NRG1: variants seen among roughly 807,000 people sequenced by gnomAD.
NRG1 encodes the protein neuregulin 1, also known as pro-neuregulin-1, membrane-bound isoform.
In NRG1, 18 loss-of-function variants were observed where a neutral mutation model predicts 63.8. The ratio of observed to expected loss-of-function variants is 0.28; its 90% CI spans 0.19 to 0.42. NRG1 has a LOEUF of 0.42. Among genes scored for constraint, NRG1 ranks in the 10% least tolerant of loss-of-function variants. The probability of loss-of-function intolerance (pLI) is 1.00; values close to 1 mark genes in which losing one functional copy is unlikely to be tolerated. For synonymous variants in NRG1, 302 were observed against 301.3 expected (o/e 1.00, Z -0.02); for missense variants, 762 against 814.7 (o/e 0.94, Z 0.79).
chr8:31,734,442 GT>G (rs911956354), intron 1 of NRG1, among the ~76,000 whole-genome samples: 3 of 152,108 alleles, frequency 2.0e-5, no homozygotes, highest in Admixed American at 1.3e-4. Context: ...ATTATTTTAA[GT>G]TTTTTTAAAT....
chr8:31,939,503 GAA>G (rs1197417785), intron 1 of NRG1, among the ~76,000 whole-genome samples: 1 of 141,684 alleles, frequency 7.1e-6, no homozygotes. Context: ...ATAACACAAT[GAA>G]AAAAAAAAAC....
chr8:31,680,063 A>C (rs2131053590), intron 1 of NRG1, among the ~76,000 whole-genome samples: 1 of 152,258 alleles, frequency 6.6e-6, no homozygotes, highest in East Asian at 1.9e-4. Flanking sequence ...ATGAGTGGTA[A>C]AATAAATCAT....
At chr8:32,404,176 T>A (rs1813621770) in intron 1 of NRG1, among the ~76,000 whole-genome samples, 1 of 152,154 alleles carries the variant, frequency 6.6e-6, no homozygotes, top group African/African-American at 2.4e-5. Flanking sequence ...CACCTGCAGG[T>A]GCTTGACATG....
intron 1 of NRG1, among the ~76,000 whole-genome samples, chr8:31,861,189 C>A (rs1400899470): frequency 6.6e-6 from 1 of 152,084 alleles, no homozygotes; most frequent in African/African-American, 2.4e-5. Context: ...TGAAAGGGTG[C>A]CCCAGCTAGG....
intron 1 of NRG1, among the ~76,000 whole-genome samples, chr8:32,206,342 C>T (rs963941090): frequency 6.6e-6 from 1 of 151,978 alleles, no homozygotes; most frequent in Non-Finnish European, 1.5e-5. Context: ...GTCATGGAGC[C>T]TATGCCACTA....
chr8:32,754,447 T>C (rs761665501), exon 8 of NRG1: 1 of 1,613,870 alleles, frequency 6.2e-7, no homozygotes, highest in East Asian at 2.2e-5. Context: ...GTCGGCATCA[T>C]GTGTGTGGTG....
In NRG1 at chr8:32,745,675, G is replaced by GTGTGTGTGT. The variant is rs1554661332; in HGVS notation, c.691+2942_691+2943insTGTGTGTGT. The stretch of plus-strand genomic sequence containing the variant: ...GTTCATCGATATGTGGTGTGTGGGG[G>GTGTGTGTGT]GTGTGTGTGTGTTCGTGTGTGTGTC... On this transcript the variant is annotated intron_variant, in intron 7 of 11. Coordinates refer to ENST00000356819, the Ensembl canonical transcript of NRG1. Among the ~76,000 whole-genome samples the GTGTGTGTGT allele has an allele frequency of 1.2e-3, 177 of 151,292 alleles. 1 individual carries two copies. Among genetic ancestry groups the GTGTGTGTGT allele is most frequent in the African/African-American group, 4.2e-3 (173 of 41,222 alleles).
intron 1 of NRG1, among the ~76,000 whole-genome samples, chr8:32,387,479 A>G (rs1357562699): frequency 2.0e-5 from 3 of 152,192 alleles, no homozygotes; most frequent in Non-Finnish European, 4.4e-5. Context: ...GATCTCAAAC[A>G]AGAAGCTCTT....
chr8:32,435,092 T>C (rs1818620486), intron 1 of NRG1, among the ~76,000 whole-genome samples: 1 of 152,152 alleles, frequency 6.6e-6, no homozygotes, highest in African/African-American at 2.4e-5. Context: ...TATGGTTTAG[T>C]CTAATTGTTA....
intron 1 of NRG1, among the ~76,000 whole-genome samples, chr8:32,507,751 G>A (rs1188012510): frequency 2.0e-5 from 3 of 150,632 alleles, no homozygotes; most frequent in Non-Finnish European, 3.0e-5. Flanking sequence ...AGGCTGGAGT[G>A]CAGTGGCATG....
chr8:31,907,331 C>T (rs1003752469), intron 1 of NRG1, among the ~76,000 whole-genome samples: 1 of 145,394 alleles, frequency 6.9e-6, no homozygotes, highest in Non-Finnish European at 1.5e-5. Flanking sequence ...AGCCTTCAGG[C>T]AAAGCAGATG....
At chr8:32,122,488 A>G (rs1222469779) in intron 1 of NRG1, among the ~76,000 whole-genome samples, 2 of 152,044 alleles carry the variant, frequency 1.3e-5, no homozygotes, top group African/African-American at 4.8e-5. Flanking sequence ...ATTGAACTCA[A>G]TTATAACTCC....
chr8:32,024,546 T>G (rs1462905), intron 1 of NRG1, among the ~76,000 whole-genome samples: 149,190 of 152,276 alleles, frequency 0.98, 73,156 homozygotes, highest in East Asian at 1. Flanking sequence ...AAATAGCCTT[T>G]GGAGCCAATG....
At chr8:32,065,292 T>C (rs1048274038) in intron 1 of NRG1, among the ~76,000 whole-genome samples, 4 of 152,178 alleles carry the variant, frequency 2.6e-5, no homozygotes, top group Non-Finnish European at 4.4e-5. Context: ...CATGTTGGTG[T>C]GCTGCACCCA....
chr8:32,147,912 A>C (rs893179640), intron 1 of NRG1, among the ~76,000 whole-genome samples: 1 of 152,140 alleles, frequency 6.6e-6, no homozygotes, highest in Non-Finnish European at 1.5e-5. Context: ...TTAAATAATA[A>C]TGTGTAATTT....
intron 1 of NRG1, among the ~76,000 whole-genome samples, chr8:32,532,682 A>G (rs1831571087): frequency 6.6e-6 from 1 of 152,026 alleles, no homozygotes; most frequent in African/African-American, 2.4e-5. Context: ...CCTATAATTC[A>G]TAGTGAGCTA....
intron 1 of NRG1, among the ~76,000 whole-genome samples, chr8:31,795,762 T>C (rs564153632): frequency 6.6e-6 from 1 of 152,152 alleles, no homozygotes. Flanking sequence ...AGCCTCCTAG[T>C]GGTTAAGGTG....
intron 1 of NRG1, among the ~76,000 whole-genome samples, chr8:32,209,760 TCCTTCCTTCCTTCCTTCTTA>T (rs1418273278): frequency 6.8e-6 from 1 of 148,044 alleles, no homozygotes; most frequent in African/African-American, 2.6e-5. Flanking sequence ...CTTCCTTCCT[TCCTTCCTTCCTTCCTTCTTA>T]CTTTCTTTCT....
chr8:32,447,179 C>G (rs977228561), intron 1 of NRG1, among the ~76,000 whole-genome samples: 1 of 151,424 alleles, frequency 6.6e-6, no homozygotes, highest in Non-Finnish European at 1.5e-5. Flanking sequence ...ACCACCACAC[C>G]CGGCTAATTT....
Sources: gnomAD v4.1 joint callset for allele counts (sites outside exome capture counted in the v4.1 genomes callset) on GRCh38, gnomAD v4.1.1 for gene constraint, MANE v1.5 for transcripts, NCBI Gene and HGNC (gene_info 2026-07-23, HGNC 2026-07-21) for gene names.